LGMN: variants seen among roughly 807,000 people sequenced by gnomAD.
LGMN encodes the protein asparaginyl endopeptidase.
LGMN carries 36 observed loss-of-function variants against 56.8 expected under a neutral mutation model. The observed-to-expected ratio is 0.63, with a 90% CI of 0.49 to 0.84. LGMN has a LOEUF of 0.84. Ranked by LOEUF, LGMN falls within the 40% of genes least tolerant of loss-of-function variation. The pLI, the probability that LGMN is intolerant of heterozygous loss-of-function variation, is 0.00. For missense variants in LGMN, 446 were observed against 556.1 expected (o/e 0.80, Z 1.99); for synonymous variants, 199 against 210.1 (o/e 0.95, Z 0.46).
rs145977751 is a variant in LGMN at position 92,744,111 on chromosome 14, G to A, written c.-30+4378C>T. ...AGAGGTTGCAGTGAGCCGAGATCGC[G>A]CCACTGCACTCCAGCCTGGTGACAG... On this transcript the variant is annotated intron_variant, in intron 1 of 13. Coordinates refer to ENST00000334869, the MANE Select transcript of LGMN (RefSeq NM_005606.7). Among the ~76,000 whole-genome samples the A allele has an allele frequency of 5.1e-3, 778 of 151,494 alleles. 9 individuals are homozygous for A. Among genetic ancestry groups the A allele is most frequent in the African/African-American group, 0.017 (712 of 41,202 alleles).
At chr14:92,715,418 G>A (rs1890023884) in intron 5 of LGMN, among the ~76,000 whole-genome samples, 1 of 152,184 alleles carries the variant, frequency 6.6e-6, no homozygotes. Context: ...GTTTCATCAT[G>A]TTGGCCAGGC....
At chr14:92,706,675 C>T (rs2140201123) in intron 11 of LGMN, 22 bp from the exon 12 acceptor site, 1 of 1,542,596 alleles carries the variant, frequency 6.5e-7, no homozygotes, top group East Asian at 2.3e-5. Context: ...CGCGGCCTGT[C>T]AGAATGTGCC....
intron 2 of LGMN, among the ~76,000 whole-genome samples, chr14:92,719,174 C>CCAT (rs1238717627): frequency 8.1e-6 from 1 of 123,522 alleles, no homozygotes; most frequent in African/African-American, 3.4e-5. Flanking sequence ...ACCACCACCA[C>CCAT]CACCACCATC....
intron 1 of LGMN, among the ~76,000 whole-genome samples, chr14:92,740,837 G>A (rs564016749): frequency 3.3e-5 from 5 of 152,236 alleles, no homozygotes; most frequent in African/African-American, 7.2e-5. Context: ...GTTCCCACTC[G>A]GACTTCATCC....
intron 2 of LGMN, among the ~76,000 whole-genome samples, chr14:92,726,493 C>T (rs537428576): frequency 6.6e-6 from 1 of 152,232 alleles, no homozygotes; most frequent in South Asian, 2.1e-4. Flanking sequence ...TGGTGAGGCT[C>T]TGAGTGTGTG....
At chr14:92,727,848 C>CT (rs1291825388) in intron 2 of LGMN, among the ~76,000 whole-genome samples, 1 of 152,150 alleles carries the variant, frequency 6.6e-6, no homozygotes, top group Non-Finnish European at 1.5e-5. Flanking sequence ...TCAGAGGGCC[C>CT]TGACTCCCCA....
In LGMN at chr14:92,713,861, T is replaced by A. The variant is rs1406768405; in HGVS notation, c.505A>T (p.Thr169Ser). The part of the protein sequence containing the change: ...EDLHVKDLNE[T>S]IHYMYKHKMY... ...TTGTGTTTGTACATGTAATGGATGG[T>A]CTCATTCAGGTCCTTTACATGAAGC... The change falls in exon 7 of 14, where the codon ACC (threonine) becomes TCC (serine). Residue 169 changes from threonine (T) to serine (S), a missense_variant. Coordinates refer to ENST00000334869, the MANE Select transcript of LGMN (RefSeq NM_005606.7). 2 of 1,613,278 alleles carry A rather than the reference T, an allele frequency of 1.2e-6. No individual in the cohort carries two copies. Among genetic ancestry groups the A allele is most frequent in the African/African-American group, 2.7e-5 (2 of 75,018 alleles).
At chr14:92,726,909 C>G (rs1027846378) in intron 2 of LGMN, among the ~76,000 whole-genome samples, 1 of 152,164 alleles carries the variant, frequency 6.6e-6, no homozygotes, top group Non-Finnish European at 1.5e-5. Flanking sequence ...AACATGAGCA[C>G]GTGATGCAAT....
At chr14:92,726,654 TCTC>T (rs1486012811) in intron 2 of LGMN, among the ~76,000 whole-genome samples, 3 of 152,048 alleles carry the variant, frequency 2.0e-5, no homozygotes, top group Non-Finnish European at 4.4e-5. Context: ...GACTGGGCCT[TCTC>T]CTCCTAACAC....
intron 1 of LGMN, among the ~76,000 whole-genome samples, chr14:92,744,193 C>T (rs897896955): frequency 1.3e-5 from 2 of 152,008 alleles, no homozygotes; most frequent in African/African-American, 2.4e-5. Flanking sequence ...CTATTTTACT[C>T]AGCTTCGTTT....
chr14:92,731,605 T>C (rs1056277240), intron 2 of LGMN, among the ~76,000 whole-genome samples: 1 of 152,274 alleles, frequency 6.6e-6, no homozygotes, highest in Non-Finnish European at 1.5e-5. Context: ...GGTTCACCCA[T>C]GTTGAAGCAT....
chr14:92,717,504 T>C, intron 3 of LGMN, 43 bp from the exon 4 acceptor site: 2 of 1,366,488 alleles, frequency 1.5e-6, no homozygotes, highest in Non-Finnish European at 2.1e-6. Context: ...GTGGCATGCC[T>C]CCGAAATCTC....
chr14:92,727,817 T>C (rs1042533194), intron 2 of LGMN, among the ~76,000 whole-genome samples: 2 of 152,130 alleles, frequency 1.3e-5, no homozygotes, highest in African/African-American at 4.8e-5. Context: ...ACACCTACCC[T>C]AAAAGGCTGG....
intron 12 of LGMN, chr14:92,705,037 T>A (rs1466304455): frequency 3.6e-6 from 1 of 280,734 alleles, no homozygotes; most frequent in Admixed American, 4.0e-5. Context: ...CTTTTGATTC[T>A]GGGAGGGACA....
Position 92,718,845 on chromosome 14 carries a change from C to T in LGMN, c.139-1G>A. ...TCTGGTAGGCATGGCACGCGTCTGCCTGGGAGAAATGATTTGGTGAAGTTT... is the reference window on the plus strand; with the variant it reads ...TCTGGTAGGCATGGCACGCGTCTGCTTGGGAGAAATGATTTGGTGAAGTTT... On this transcript the variant is annotated splice_acceptor_variant, in intron 2 of 13. Coordinates refer to ENST00000334869, the MANE Select transcript of LGMN (RefSeq NM_005606.7). LOFTEE classifies it high-confidence loss of function. The T allele has an allele frequency of 1.2e-6, 2 of 1,611,056 alleles. No individual in the cohort carries two copies. Among genetic ancestry groups the T allele is most frequent in the Non-Finnish European group, 1.7e-6 (2 of 1,177,580 alleles).
intron 1 of LGMN, among the ~76,000 whole-genome samples, chr14:92,745,210 C>A (rs540900068): frequency 1.3e-5 from 2 of 152,170 alleles, no homozygotes; most frequent in Non-Finnish European, 2.9e-5. Flanking sequence ...ATTTTTAATG[C>A]TTATTTGGCA....
intron 5 of LGMN, 56 bp downstream of exon 5, chr14:92,716,080 C>A: frequency 8.5e-7 from 1 of 1,180,604 alleles, no homozygotes; most frequent in South Asian, 1.4e-5. Context: ...TTTCAATTCT[C>A]TATACGGGGG....
intron 11 of LGMN, among the ~76,000 whole-genome samples, chr14:92,708,347 C>T (rs961514558): frequency 6.6e-6 from 1 of 151,846 alleles, no homozygotes; most frequent in African/African-American, 2.4e-5. Context: ...TCCTGTAATC[C>T]CAGCACTTTC....
rs759841027 is a variant in LGMN, at chr14:92,732,720, G to A, written c.67C>T (p.Pro23Ser). 1 of 1,614,122 alleles carries A rather than the reference G, an allele frequency of 6.2e-7. No homozygotes were observed. The highest frequency in any genetic ancestry group is 1.1e-5 in the South Asian group (1 of 91,082). The change falls in exon 2 of 14, where the codon CCT (proline) becomes TCT (serine). Residue 23 changes from proline to serine, a missense_variant. Physicochemically the swap from Pro to Ser is moderately conservative, Grantham distance 74 (BLOSUM62 -1). Coordinates refer to ENST00000334869, the MANE Select transcript of LGMN (RefSeq NM_005606.7). ...LGIGAVPIDDPEDGGKHWVVI... is the reference protein window; with the variant it reads ...LGIGAVPIDDSEDGGKHWVVI... Reference sequence around the variant, plus strand: ...ACCCAGTGCTTGCCTCCATCTTCAGGATCATCTATAGGAACGGCACCAATG... The same window carrying A: ...ACCCAGTGCTTGCCTCCATCTTCAGAATCATCTATAGGAACGGCACCAATG...
Sources: gnomAD v4.1 joint callset for allele counts (sites outside exome capture counted in the v4.1 genomes callset) on GRCh38, gnomAD v4.1.1 for gene constraint, MANE v1.5 for transcripts, NCBI Gene and HGNC (gene_info 2026-07-23, HGNC 2026-07-21) for gene names.